RFTN1: variants seen among roughly 807,000 people sequenced by gnomAD.
RFTN1 encodes raftlin, lipid raft linker 1.
A neutral mutation model predicts 46.5 loss-of-function variants in RFTN1; 26 were observed. The ratio of observed to expected loss-of-function variants is 0.56; its 90% CI spans 0.41 to 0.78. RFTN1 has a LOEUF of 0.78. Ranked by LOEUF, RFTN1 falls within the 30% of genes least tolerant of loss-of-function variation. RFTN1 has a pLI of 0.00. For missense variants in RFTN1, 693 were observed against 718.7 expected (o/e 0.96, Z 0.41); for synonymous variants, 261 against 284.2 (o/e 0.92, Z 0.82).
At chr3:16,412,824 T>C (rs560161319) in intron 3 of RFTN1, among the ~76,000 whole-genome samples, 2 of 152,280 alleles carry the variant, frequency 1.3e-5, no homozygotes, top group East Asian at 1.9e-4. Flanking sequence ...TGGCAAGAAA[T>C]TGTGGGTAGT....
chr3:16,381,685 A>AC lies in RFTN1; in HGVS notation c.442-3584_442-3583insG, dbSNP rs1165465406. 1.3e-5 allele frequency among the ~76,000 whole-genome samples: 2 copies of AC among 152,218 alleles called. No homozygotes were observed. The highest frequency in any genetic ancestry group is 2.4e-5 in the African/African-American group (1 of 41,438). On this transcript the variant is annotated intron_variant, in intron 4 of 9. Transcript: ENST00000334133. This position sits in a 1 kb window ranked among gnomAD's most constrained non-coding sequence, Gnocchi z 4.2. ...GAGGGCAATCCATGTAAAGGCAAGG[A>AC]AGGATCATGATGGGCAAAAGCGTGA...
At chr3:16,366,152 G>C (rs2073156249) in intron 6 of RFTN1, among the ~76,000 whole-genome samples, 1 of 151,924 alleles carries the variant, frequency 6.6e-6, no homozygotes, top group Non-Finnish European at 1.5e-5. Flanking sequence ...GCTGGGCAAG[G>C]CAGGGCAAGA....
In RFTN1 at chr3:16,421,761, G is replaced by A. The variant is rs1160297710; in HGVS notation, c.332+12090C>T. 6.6e-6 allele frequency among the ~76,000 whole-genome samples: 1 copy of A among 152,110 alleles called. No homozygotes were observed. The highest frequency in any genetic ancestry group is 2.1e-4 in the South Asian group (1 of 4,812). ...GAGAAGGATTTTACATTTACATTAC[G>A]GGTATTCTCTTCAATCTGCAATCAC... On this transcript the variant is annotated intron_variant, in intron 3 of 9. Transcript: ENST00000334133. The surrounding 1 kb of genome is among the most constrained non-coding windows in gnomAD (Gnocchi z 4.6).
rs1172108095 is a variant in RFTN1 at position 16,321,998 on chromosome 3, C to G, written c.1332+1378G>C. On this transcript the variant is annotated intron_variant, in intron 9 of 9. Coordinates refer to ENST00000334133, the MANE Select transcript of RFTN1 (RefSeq NM_015150.2). The surrounding 1 kb of genome is among the most constrained non-coding windows in gnomAD (Gnocchi z 4.8). The stretch of plus-strand genomic sequence containing the variant: ...GGAACCTGTTAGGCAAAGGTGGCAC[C>G]ATCTCCCTCTGTAAGGCTGCAGCGG... Among the ~76,000 whole-genome samples, 4 of 152,200 alleles carry G rather than the reference C, an allele frequency of 2.6e-5. No individual in the cohort carries two copies. The highest frequency in any genetic ancestry group is 9.7e-5 in the African/African-American group (4 of 41,440).
At chr3:16,377,628 T>C in intron 5 of RFTN1, 90 bp downstream of exon 5, 1 of 1,506,092 alleles carries the variant, frequency 6.6e-7, no homozygotes, top group South Asian at 1.4e-5. Context: ...CTAAATTCCA[T>C]TCCTTTTTCT....
At position 16,376,988 on chromosome 3, in the gene RFTN1, A is replaced by T. The variant is rs2125375036; in HGVS notation, c.826+730T>A. On this transcript the variant is annotated intron_variant, in intron 5 of 9. Transcript: ENST00000334133. This position sits in a 1 kb window ranked among gnomAD's most constrained non-coding sequence, Gnocchi z 4.7. Reference sequence around the variant, plus strand: ...CTGGGGGTCTTCTGTTAGTTTTCATACTTGTTCTTACTTACATGGCTTATG... The same window carrying T: ...CTGGGGGTCTTCTGTTAGTTTTCATTCTTGTTCTTACTTACATGGCTTATG... Among the ~76,000 whole-genome samples the T allele has an allele frequency of 6.6e-6, 1 of 152,168 alleles. No homozygotes were observed. The highest frequency in any genetic ancestry group is 2.4e-5 in the African/African-American group (1 of 41,504).
Position 16,436,426 on chromosome 3 carries a change from C to T in RFTN1, c.146-2389G>A, listed in dbSNP as rs184108933. Among the ~76,000 whole-genome samples the T allele has an allele frequency of 3.4e-3, 509 of 151,680 alleles. 2 individuals carry two copies. The highest frequency in any genetic ancestry group is 5.4e-3 in the Non-Finnish European group (370 of 67,940). On this transcript the variant is annotated intron_variant, in intron 2 of 9. Coordinates refer to ENST00000334133, the MANE Select transcript of RFTN1 (RefSeq NM_015150.2). ...GGCTGGAGTGCGGTGGTGCTATCCC[C>T]GCTCACTGCAAACTCTACCTCCTGG...
Position 16,353,054 on chromosome 3 carries a change from G to A in RFTN1, c.1146+4878C>T, listed in dbSNP as rs1219242105. ...GGATCAGCACAGGAGGAGGAAAGAGGCAGGAAAGGGACAGACCAGTCCCCA... is the reference window on the plus strand; with the variant it reads ...GGATCAGCACAGGAGGAGGAAAGAGACAGGAAAGGGACAGACCAGTCCCCA... On this transcript the variant is annotated intron_variant, in intron 7 of 9. Transcript: ENST00000334133. The surrounding 1 kb of genome is among the most constrained non-coding windows in gnomAD (Gnocchi z 5.4). Among the ~76,000 whole-genome samples, 2 of 152,202 alleles carry A rather than the reference G, an allele frequency of 1.3e-5. No homozygotes were observed. The highest frequency in any genetic ancestry group is 2.9e-5 in the Non-Finnish European group (2 of 68,020).
chr3:16,506,296 C>T lies in RFTN1; in HGVS notation c.-9+7146G>A, dbSNP rs2076804832. The stretch of plus-strand genomic sequence containing the variant: ...GGTGTGGGGCCCCTGGGAGGCTGAG[C>T]AGACCTCAGGGTGAAGTCAAACAGG... On this transcript the variant is annotated intron_variant, in intron 1 of 9. Transcript: ENST00000334133. The surrounding 1 kb of genome is among the most constrained non-coding windows in gnomAD (Gnocchi z 4.8). 6.6e-6 allele frequency among the ~76,000 whole-genome samples: 1 copy of T among 152,062 alleles called. No individual in the cohort carries two copies. The highest frequency in any genetic ancestry group is 2.1e-4 in the South Asian group (1 of 4,814).
At position 16,327,828 on chromosome 3, in the gene RFTN1, G is replaced by A. The variant is rs2069880889; in HGVS notation, c.1147-952C>T. Among the ~76,000 whole-genome samples, 2 of 151,930 alleles carry A rather than the reference G, an allele frequency of 1.3e-5. No homozygotes were observed. On this transcript the variant is annotated intron_variant, in intron 7 of 9. Coordinates refer to ENST00000334133, the MANE Select transcript of RFTN1 (RefSeq NM_015150.2). The surrounding 1 kb of genome is among the most constrained non-coding windows in gnomAD (Gnocchi z 4.2). ...GCACAGGGAGAGAGCCCTGATGTGA[G>A]GCCCCTGCACTGGCTTCCACCTCTG...
At position 16,462,629 on chromosome 3, in the gene RFTN1, C is replaced by T. The variant is rs148172189; in HGVS notation, c.146-28592G>A. Among the ~76,000 whole-genome samples, 823 of 152,316 alleles carry T rather than the reference C, an allele frequency of 5.4e-3. 3 individuals are homozygous for T. The highest frequency in any genetic ancestry group is 7.3e-3 in the Admixed American group (112 of 15,310). On this transcript the variant is annotated intron_variant, in intron 2 of 9. Coordinates refer to ENST00000334133, the MANE Select transcript of RFTN1 (RefSeq NM_015150.2). ...GACAGCTGCCAGATGCTGGAAGAAG[C>T]AAGGAATAGATTTTCCTTCAAGAAG...
chr3:16,339,704 C>T (rs1160741327), intron 7 of RFTN1: 1 of 152,262 alleles, frequency 6.6e-6, no homozygotes, highest in East Asian at 1.9e-4. Flanking sequence ...CCTACCATTT[C>T]CACATATTGA....
Position 16,442,129 on chromosome 3 carries a change from AAAAACAAAACAAAACAAAAC to A in RFTN1, c.146-8112_146-8093del, listed in dbSNP as rs372224114. On this transcript the variant is annotated intron_variant, in intron 2 of 9. Coordinates refer to ENST00000334133, the MANE Select transcript of RFTN1 (RefSeq NM_015150.2). The surrounding 1 kb of genome is among the most constrained non-coding windows in gnomAD (Gnocchi z 4.1). ...AACAAACTCATGTATCTGAAACTTAAAAAACAAAACAAAACAAAACAAAACAAAACACATATCCAGGCTCA... is the reference window on the plus strand; with the variant it reads ...AACAAACTCATGTATCTGAAACTTAAAAAACAAAACACATATCCAGGCTCA... Among the ~76,000 whole-genome samples, 2 of 152,168 alleles carry A rather than the reference AAAAACAAAACAAAACAAAAC, an allele frequency of 1.3e-5. No homozygotes were observed. Among genetic ancestry groups the A allele is most frequent in the Admixed American group, 1.3e-4 (2 of 15,274 alleles).
At chr3:16,391,567 A>C (rs2074341538) in intron 4 of RFTN1, among the ~76,000 whole-genome samples, 1 of 152,208 alleles carries the variant, frequency 6.6e-6, no homozygotes, top group African/African-American at 2.4e-5. Flanking sequence ...CCTTATATTG[A>C]GCTCCAATTA....
At position 16,446,575 on chromosome 3, in the gene RFTN1, A is replaced by G. The variant is rs1206990982; in HGVS notation, c.146-12538T>C. Among the ~76,000 whole-genome samples the G allele has an allele frequency of 6.6e-6, 1 of 152,184 alleles. No individual in the cohort carries two copies. Among genetic ancestry groups the G allele is most frequent in the Non-Finnish European group, 1.5e-5 (1 of 68,034 alleles). On this transcript the variant is annotated intron_variant, in intron 2 of 9. Transcript: ENST00000334133. The surrounding 1 kb of genome is among the most constrained non-coding windows in gnomAD (Gnocchi z 4.5). ...AGTTGGGATAATTCAAAAACATGCCACTGGGAAAATCAAAGGTTGATATGA... is the reference window on the plus strand; with the variant it reads ...AGTTGGGATAATTCAAAAACATGCCGCTGGGAAAATCAAAGGTTGATATGA...
rs1368764732 is a variant in RFTN1 at position 16,509,026 on chromosome 3, C to T, written c.-9+4416G>A. 6.6e-6 allele frequency among the ~76,000 whole-genome samples: 1 copy of T among 152,256 alleles called. No homozygotes were observed. The highest frequency in any genetic ancestry group is 1.9e-4 in the East Asian group (1 of 5,196). ...ATTCATTACATTTAAATGTAAATAG[C>T]CACATGTAACTAGTGGCTACTGTAT... On this transcript the variant is annotated intron_variant, in intron 1 of 9. Coordinates refer to ENST00000334133, the MANE Select transcript of RFTN1 (RefSeq NM_015150.2). This position sits in a 1 kb window ranked among gnomAD's most constrained non-coding sequence, Gnocchi z 4.9.
intron 4 of RFTN1, among the ~76,000 whole-genome samples, chr3:16,394,517 C>G (rs1048833542): frequency 1.3e-5 from 2 of 152,180 alleles, no homozygotes; most frequent in African/African-American, 2.4e-5. Context: ...CGAAGCCACC[C>G]TTTGGTGTTA....
intron 2 of RFTN1, among the ~76,000 whole-genome samples, chr3:16,453,611 T>C (rs1337990106): frequency 2.0e-5 from 3 of 152,222 alleles, no homozygotes; most frequent in Non-Finnish European, 4.4e-5. Flanking sequence ...AAAAATGTAA[T>C]GTTTATTTCC....
chr3:16,430,388 A>G (rs1007289425), intron 3 of RFTN1, among the ~76,000 whole-genome samples: 1 of 152,208 alleles, frequency 6.6e-6, no homozygotes, highest in Non-Finnish European at 1.5e-5. Context: ...CTGGGATTAT[A>G]GGTGTGAGCC....
Sources: allele counts gnomAD v4.1 joint callset (sites outside exome capture counted in the v4.1 genomes callset), GRCh38; gene constraint gnomAD v4.1.1; non-coding constraint Gnocchi (gnomAD v3.1); transcripts MANE v1.5; gene names NCBI Gene and HGNC (gene_info 2026-07-23, HGNC 2026-07-21).